Variants in FOXK1 observed in about 807,000 individuals in gnomAD.
The protein encoded by FOXK1 is forkhead box K1, also known as forkhead box protein K1.
FOXK1 carries 19 observed loss-of-function variants against 51.9 expected under a neutral mutation model. That is an observed-to-expected ratio of 0.37 (90% CI 0.26 to 0.54). The LOEUF (loss-of-function observed/expected upper bound fraction) is 0.54, where lower values mean the gene tolerates loss of function less well. Ranked by LOEUF, FOXK1 falls within the 20% of genes least tolerant of loss-of-function variation. The pLI, the probability that FOXK1 is intolerant of heterozygous loss-of-function variation, is 0.87. For missense variants in FOXK1, 870 were observed against 1,032.7 expected (o/e 0.84, Z 2.16); for synonymous variants, 537 against 482.6 (o/e 1.11, Z -1.48).
chr7:4,751,864 G>A (rs1431232188), intron 2 of FOXK1, among the ~76,000 whole-genome samples: 5 of 152,250 alleles, frequency 3.3e-5, no homozygotes, highest in Non-Finnish European at 7.3e-5. Flanking sequence ...TCTCGCCTGT[G>A]GGAGCCAGGC....
rs1230942897 is a variant in FOXK1 at position 4,715,539 on chromosome 7, C to T, written c.561-25299C>T. Among the ~76,000 whole-genome samples, 1 of 152,196 alleles carries T rather than the reference C, an allele frequency of 6.6e-6. No homozygotes were observed. The highest frequency in any genetic ancestry group is 2.1e-4 in the South Asian group (1 of 4,834). ...GAGAAGCTCTTCATCTATCAGCAGT[C>T]AGCTTTCCACTTAAGCAGAGCCAAG... On this transcript the variant is annotated intron_variant, in intron 1 of 8. Transcript: ENST00000328914. This position sits in a 1 kb window ranked among gnomAD's most constrained non-coding sequence, Gnocchi z 4.5.
intron 1 of FOXK1, among the ~76,000 whole-genome samples, chr7:4,692,369 TAA>T (rs1779903680): frequency 6.6e-6 from 1 of 152,208 alleles, no homozygotes; most frequent in Non-Finnish European, 1.5e-5. Flanking sequence ...GAGACCTCAC[TAA>T]AACCTGACAA....
intron 1 of FOXK1, among the ~76,000 whole-genome samples, chr7:4,721,589 C>CTTTTTTTTTTTTT (rs200132324): frequency 2.7e-5 from 3 of 112,654 alleles, no homozygotes; most frequent in African/African-American, 3.9e-5. Flanking sequence ...TCTTTTTTTT[C>CTTTTTTTTTTTTT]TTTTTTTTTT....
intron 1 of FOXK1, among the ~76,000 whole-genome samples, chr7:4,737,811 A>G (rs1280606719): frequency 6.6e-6 from 1 of 152,188 alleles, no homozygotes; most frequent in Non-Finnish European, 1.5e-5. Flanking sequence ...CTTGGGTATC[A>G]TAGAGCATCT....
chr7:4,695,786 A>G (rs1180205704), intron 1 of FOXK1, among the ~76,000 whole-genome samples: 2 of 152,006 alleles, frequency 1.3e-5, no homozygotes, highest in Non-Finnish European at 2.9e-5. Flanking sequence ...AAAATACAAA[A>G]TTAGCTGGGC....
chr7:4,718,245 T>G (rs1012439682), intron 1 of FOXK1, among the ~76,000 whole-genome samples: 1 of 152,200 alleles, frequency 6.6e-6, no homozygotes, highest in Non-Finnish European at 1.5e-5. Flanking sequence ...TCTCATCCCG[T>G]GTGGCTCTGC....
intron 1 of FOXK1, among the ~76,000 whole-genome samples, chr7:4,694,168 T>A (rs1427018863): frequency 6.6e-6 from 1 of 152,236 alleles, no homozygotes; most frequent in East Asian, 1.9e-4. Flanking sequence ...ATTATAGGCC[T>A]GAGCCACGCG....
chr7:4,730,286 G>A lies in FOXK1; in HGVS notation c.561-10552G>A, dbSNP rs1246552799. ...ACATTGTTGTCACTGCGAGAACGGA[G>A]GGCCCAGAGCCGAGTACACTCGGCC... On this transcript the variant is annotated intron_variant, in intron 1 of 8. Coordinates refer to ENST00000328914, the MANE Select transcript of FOXK1 (RefSeq NM_001037165.2). The surrounding 1 kb of genome is among the most constrained non-coding windows in gnomAD (Gnocchi z 4.7). 2.6e-5 allele frequency among the ~76,000 whole-genome samples: 4 copies of A among 152,188 alleles called. No homozygotes were observed. Among genetic ancestry groups the A allele is most frequent in the Non-Finnish European group, 5.9e-5 (4 of 68,028 alleles).
chr7:4,688,607 C>CG (rs1384644072), intron 1 of FOXK1, among the ~76,000 whole-genome samples: 1 of 151,986 alleles, frequency 6.6e-6, no homozygotes, highest in African/African-American at 2.4e-5. Flanking sequence ...AGGCTGGTCT[C>CG]GAAGTCCTGT....
chr7:4,753,509 G>C lies in FOXK1; in HGVS notation c.747-950G>C, dbSNP rs1780805236. On this transcript the variant is annotated intron_variant, in intron 2 of 8. Transcript: ENST00000328914. The surrounding 1 kb of genome is among the most constrained non-coding windows in gnomAD (Gnocchi z 4.9). Reference sequence around the variant, plus strand: ...ACGGGGGCTCTAAGTCAGCTGAGAGGGGGGATGTCAGCATCACAGGTGGGC... The same window carrying C: ...ACGGGGGCTCTAAGTCAGCTGAGAGCGGGGATGTCAGCATCACAGGTGGGC... 6.6e-6 allele frequency among the ~76,000 whole-genome samples: 1 copy of C among 152,238 alleles called. No individual in the cohort carries two copies. Among genetic ancestry groups the C allele is most frequent in the South Asian group, 2.1e-4 (1 of 4,818 alleles).
rs148714529 is a variant in FOXK1 at position 4,722,239 on chromosome 7, T to C, written c.561-18599T>C. Among the ~76,000 whole-genome samples, 4 of 152,224 alleles carry C rather than the reference T, an allele frequency of 2.6e-5. No homozygotes were observed. In the East Asian group the frequency reaches 7.7e-4, roughly 29 times the overall value. On this transcript the variant is annotated intron_variant, in intron 1 of 8. Coordinates refer to ENST00000328914, the MANE Select transcript of FOXK1 (RefSeq NM_001037165.2). This position sits in a 1 kb window ranked among gnomAD's most constrained non-coding sequence, Gnocchi z 5.1. Reference sequence around the variant, plus strand: ...CGCCTGGAAATAAATGCCAGCACCGTGCAAGCTGGCTTTGCATTCTCTGCC... The same window carrying C: ...CGCCTGGAAATAAATGCCAGCACCGCGCAAGCTGGCTTTGCATTCTCTGCC...
At chr7:4,720,197 A>G (rs184030922) in intron 1 of FOXK1, among the ~76,000 whole-genome samples, 7 of 152,274 alleles carry the variant, frequency 4.6e-5, no homozygotes, top group African/African-American at 1.4e-4. Flanking sequence ...TTCATCCTGC[A>G]TGGGGCTCAC....
At position 4,715,252 on chromosome 7, in the gene FOXK1, C is replaced by T. The variant is rs35573998; in HGVS notation, c.561-25586C>T. Among the ~76,000 whole-genome samples the T allele has an allele frequency of 0.03, 3,859 of 129,274 alleles. 77 individuals carry two copies. Among genetic ancestry groups the T allele is most frequent in the Middle Eastern group, 0.06 (14 of 234 alleles). The allele number at this position is 129,274 out of a possible 152,430, so 84.8% of individuals were successfully genotyped here. A position where few individuals can be genotyped will look rare whatever the true frequency, so the allele number is the denominator to read the frequency against. On this transcript the variant is annotated intron_variant, in intron 1 of 8. Transcript: ENST00000328914. This position sits in a 1 kb window ranked among gnomAD's most constrained non-coding sequence, Gnocchi z 4.5. ...TATCGGGCATGGCGAAATTGTGATACGGTGCATGGTGTTTTGTTTCAAGGA... is the reference window on the plus strand; with the variant it reads ...TATCGGGCATGGCGAAATTGTGATATGGTGCATGGTGTTTTGTTTCAAGGA...
chr7:4,708,402 G>A (rs1295234501), intron 1 of FOXK1, among the ~76,000 whole-genome samples: 2 of 152,156 alleles, frequency 1.3e-5, no homozygotes, highest in Admixed American at 1.3e-4. Flanking sequence ...AAGCTCACCC[G>A]AAGGTAAATC....
intron 1 of FOXK1, among the ~76,000 whole-genome samples, chr7:4,697,085 A>G (rs578127818): frequency 6.6e-6 from 1 of 152,318 alleles, no homozygotes; most frequent in South Asian, 2.1e-4. Context: ...CAAAAAAAAG[A>G]AAATGCCTCC....
rs534695700 is a variant in FOXK1 at position 4,703,092 on chromosome 7, G to T, written c.560+20224G>T. On this transcript the variant is annotated intron_variant, in intron 1 of 8. Coordinates refer to ENST00000328914, the MANE Select transcript of FOXK1 (RefSeq NM_001037165.2). This position sits in a 1 kb window ranked among gnomAD's most constrained non-coding sequence, Gnocchi z 5.6. ...GTTGCTTGCACTGCTGGGTGAGAGT[G>T]CCTCTGTGTCGGGGGCTGGGCTGGG... Among the ~76,000 whole-genome samples, 5 of 152,172 alleles carry T rather than the reference G, an allele frequency of 3.3e-5. No individual in the cohort carries two copies. Among genetic ancestry groups the T allele is most frequent in the Non-Finnish European group, 7.3e-5 (5 of 68,044 alleles).
At chr7:4,713,161 T>G (rs765546335) in intron 1 of FOXK1, among the ~76,000 whole-genome samples, 1 of 152,226 alleles carries the variant, frequency 6.6e-6, no homozygotes, top group Non-Finnish European at 1.5e-5. Flanking sequence ...GCTAGTTACT[T>G]ACATTTTGAA....
Position 4,762,380 on chromosome 7 carries a change from G to C in FOXK1, c.2118G>C (p.Arg706=). 6.5e-7 allele frequency: 1 copy of C among 1,550,102 alleles called. No individual in the cohort carries two copies. The change falls in exon 9 of 9, where the codon CGG becomes CGC. Residue 706 remains arginine (R), a synonymous_variant. Transcript: ENST00000328914. The surrounding 1 kb of genome is among the most constrained non-coding windows in gnomAD (Gnocchi z 5.7). ...GAGAGCCCGAGGTCAAAAGGTCCCG[G>C]GTGGAGGAGCCCAGTGGTGCTGTAA... ...STGEPEVKRS[R]VEEPSGAVTT... is the part of the protein sequence containing the mutation.
Position 4,734,314 on chromosome 7 carries a change from T to G in FOXK1, c.561-6524T>G, listed in dbSNP as rs970542634. 1.3e-5 allele frequency among the ~76,000 whole-genome samples: 2 copies of G among 152,178 alleles called. No individual in the cohort carries two copies. Among genetic ancestry groups the G allele is most frequent in the Non-Finnish European group, 2.9e-5 (2 of 68,022 alleles). ...ATCCAGCCTCTTCCTTTTGATGTTT[T>G]CTGAGTCACTTTAAACTGTGCAAGA... On this transcript the variant is annotated intron_variant, in intron 1 of 8. Coordinates refer to ENST00000328914, the MANE Select transcript of FOXK1 (RefSeq NM_001037165.2). The surrounding 1 kb of genome is among the most constrained non-coding windows in gnomAD (Gnocchi z 5.2).
Sources: gnomAD v4.1 joint callset for allele counts (sites outside exome capture counted in the v4.1 genomes callset) on GRCh38, gnomAD v4.1.1 for gene constraint, Gnocchi (gnomAD v3.1) non-coding constraint, MANE v1.5 for transcripts, NCBI Gene and HGNC (gene_info 2026-07-23, HGNC 2026-07-21) for gene names.